Variants in XPNPEP3 observed in about 807,000 individuals in gnomAD.
The protein encoded by XPNPEP3 is X-prolyl aminopeptidase 3.
Under a neutral mutation model 60.0 loss-of-function variants are expected in XPNPEP3, and 41 were observed. The ratio of observed to expected loss-of-function variants is 0.68; its 90% CI spans 0.53 to 0.89. XPNPEP3 has a LOEUF of 0.89. XPNPEP3 is among the 40% of genes least tolerant of loss of function. The pLI is 0.00. For missense variants in XPNPEP3, 598 were observed against 638.9 expected, an observed-to-expected ratio of 0.94 and a Z score of 0.69; for synonymous variants, 212 against 223.2, an observed-to-expected ratio of 0.95 and a Z score of 0.45.
At chr22:40,926,165 A>G in intron 9 of XPNPEP3, 104 bp from the exon 10 acceptor site, 1 of 1,175,036 alleles carries the variant, frequency 8.5e-7, no homozygotes, top group Non-Finnish European at 1.3e-6. Flanking sequence ...ATAAAGATCC[A>G]GTATTACAGA....
At chr22:40,901,788 A>G (rs1439790750) in intron 4 of XPNPEP3, among the ~76,000 whole-genome samples, 1 of 152,172 alleles carries the variant, frequency 6.6e-6, no homozygotes, top group Non-Finnish European at 1.5e-5. Context: ...TATATGAAAT[A>G]TGCGGAATAG....
Position 40,928,065 on chromosome 22 carries a change from CCT to C in XPNPEP3, c.*1631_*1632del, listed in dbSNP as rs1301401038. ...AGCGCCCAGTTTTCAGAGAAGTACC[CCT>C]GTTATCATTCTGTGATTTCCTCTAG... is the stretch of plus-strand genomic sequence containing the variant. On this transcript the variant is annotated 3_prime_UTR_variant, in exon 10 of 10. Coordinates refer to ENST00000357137, the MANE Select transcript of XPNPEP3 (RefSeq NM_022098.4). 6.6e-6 allele frequency: 1 copy of C among 151,988 alleles called. No homozygotes were observed. Among genetic ancestry groups the C allele is most frequent in the Non-Finnish European group, 1.5e-5 (1 of 68,002 alleles). 9.4% of individuals were successfully genotyped at this position (151,988 alleles called of 1,614,324 possible). A position where few individuals can be genotyped will look rare whatever the true frequency, so the allele number is the denominator to read the frequency against.
At chr22:40,903,715 C>T (rs570936899) in intron 4 of XPNPEP3, among the ~76,000 whole-genome samples, 17 of 152,126 alleles carry the variant, frequency 1.1e-4, no homozygotes, top group African/African-American at 4.1e-4. Context: ...GTCTTGAACT[C>T]CTCACCTCGT....
intron 4 of XPNPEP3, among the ~76,000 whole-genome samples, chr22:40,892,098 A>G (rs1044274875): frequency 2.0e-5 from 3 of 152,220 alleles, no homozygotes; most frequent in African/African-American, 7.2e-5. Flanking sequence ...AGCACTGTCT[A>G]TCATTTCAAA....
chr22:40,911,203 T>G (rs1245876484), intron 6 of XPNPEP3, among the ~76,000 whole-genome samples: 2 of 152,086 alleles, frequency 1.3e-5, no homozygotes, highest in African/African-American at 4.8e-5. Context: ...TTTTATTACC[T>G]TAATTACCAA....
intron 4 of XPNPEP3, among the ~76,000 whole-genome samples, chr22:40,904,381 A>G (rs559664403): frequency 1.3e-5 from 2 of 152,288 alleles, no homozygotes; most frequent in South Asian, 2.1e-4. Flanking sequence ...AGTTTGAAAG[A>G]GTCATGACTG....
intron 7 of XPNPEP3, 149 bp from the exon 8 acceptor site, chr22:40,922,184 C>T (rs1292047318): frequency 1.2e-6 from 1 of 858,426 alleles, no homozygotes; most frequent in East Asian, 2.6e-5. Flanking sequence ...GATTGAGCTC[C>T]TGGCCATATT....
At chr22:40,923,073 T>G (rs1229081679) in intron 8 of XPNPEP3, among the ~76,000 whole-genome samples, 4 of 151,966 alleles carry the variant, frequency 2.6e-5, no homozygotes, top group Admixed American at 6.6e-5. Context: ...GTTAGCCAGG[T>G]GTGGTGGCAC....
At position 40,928,652 on chromosome 22, in the gene XPNPEP3, T is replaced by G. The variant is rs2058244136; in HGVS notation, c.*2217T>G. The G allele has an allele frequency of 6.6e-6, 1 of 152,186 alleles. No homozygotes were observed. The highest frequency in any genetic ancestry group is 6.6e-5 in the Admixed American group (1 of 15,264). The allele number at this position is 152,186 out of a possible 1,614,324, so 9.4% of individuals were successfully genotyped here. On this transcript the variant is annotated 3_prime_UTR_variant, in exon 10 of 10. Coordinates refer to ENST00000357137, the MANE Select transcript of XPNPEP3 (RefSeq NM_022098.4). ...AGCTTTAAGAACCAGTGTGTTCACC[T>G]CCTTTAAACCTGGATATGAGGTCAA...
chr22:40,898,577 A>C (rs2058119237), intron 4 of XPNPEP3, among the ~76,000 whole-genome samples: 1 of 152,056 alleles, frequency 6.6e-6, no homozygotes, highest in Admixed American at 6.6e-5. Flanking sequence ...TAATATTTAT[A>C]TATGGTATAA....
In XPNPEP3 at chr22:40,932,172, C is replaced by A. The variant is rs1331773252; in HGVS notation, c.*5737C>A. ...GTAACAGTGTTTCCAATAACTTCTGCCAATAAAACAGAATTTGAGTTAGAA... is the reference window on the plus strand; with the variant it reads ...GTAACAGTGTTTCCAATAACTTCTGACAATAAAACAGAATTTGAGTTAGAA... On this transcript the variant is annotated 3_prime_UTR_variant, in exon 10 of 10. Coordinates refer to ENST00000357137, the MANE Select transcript of XPNPEP3 (RefSeq NM_022098.4). 2 of 152,088 alleles carry A rather than the reference C, an allele frequency of 1.3e-5. No individual in the cohort carries two copies. The highest frequency in any genetic ancestry group is 2.9e-5 in the Non-Finnish European group (2 of 68,020). 9.4% of individuals were successfully genotyped at this position (152,088 alleles called of 1,614,324 possible).
At chr22:40,865,727 A>G (rs559369389) in intron 1 of XPNPEP3, among the ~76,000 whole-genome samples, 1 of 150,528 alleles carries the variant, frequency 6.6e-6, no homozygotes, top group Non-Finnish European at 1.5e-5. Context: ...GACAGGGTTT[A>G]GCCATGTTGG....
At chr22:40,896,131 T>G (rs1280911277) in intron 4 of XPNPEP3, among the ~76,000 whole-genome samples, 5 of 152,200 alleles carry the variant, frequency 3.3e-5, no homozygotes, top group Non-Finnish European at 7.3e-5. Context: ...TCTGAGGAGT[T>G]TAATGACAGG....
intron 1 of XPNPEP3, among the ~76,000 whole-genome samples, chr22:40,866,838 TA>T (rs2145773008): frequency 6.6e-6 from 1 of 152,358 alleles, no homozygotes; most frequent in African/African-American, 2.4e-5. Flanking sequence ...TTGAATTTAA[TA>T]AAGTTAAGCT....
At chr22:40,870,602 T>A (rs904750969) in intron 2 of XPNPEP3, among the ~76,000 whole-genome samples, 1 of 152,214 alleles carries the variant, frequency 6.6e-6, no homozygotes, top group African/African-American at 2.4e-5. Context: ...TACCATTAGG[T>A]ACAGATTTTT....
At position 40,931,428 on chromosome 22, in the gene XPNPEP3, G is replaced by GT. The variant is rs1218163164; in HGVS notation, c.*4994dup. On this transcript the variant is annotated 3_prime_UTR_variant, in exon 10 of 10. Coordinates refer to ENST00000357137, the MANE Select transcript of XPNPEP3 (RefSeq NM_022098.4). ...GAAACACAACAGTATAAATACTATA[G>GT]TAAAGTTGGGTGCAGTGGATCACAG... 2.0e-5 allele frequency: 3 copies of GT among 152,154 alleles called. No homozygotes were observed. Among genetic ancestry groups the GT allele is most frequent in the Non-Finnish European group, 2.9e-5 (2 of 68,026 alleles). The allele number at this position is 152,154 out of a possible 1,614,324, so 9.4% of individuals were successfully genotyped here. A position where few individuals can be genotyped will look rare whatever the true frequency, so the allele number is the denominator to read the frequency against.
intron 6 of XPNPEP3, among the ~76,000 whole-genome samples, chr22:40,910,664 C>A (rs1270388141): frequency 2.6e-5 from 4 of 151,888 alleles, no homozygotes; most frequent in Non-Finnish European, 5.9e-5. Context: ...TGTGATCACA[C>A]CACTGCATTG....
At position 40,881,787 on chromosome 22, in the gene XPNPEP3, C is replaced by G; in HGVS notation, c.199C>G (p.Leu67Val). ...LLRPGEVTPG[L>V]SQVEYALRRH... ...ATTTCTAGGGGAGGTAACTCCAGGA[C>G]TATCTCAGGTGGAATATGCACTTCG... The change falls in exon 3 of 10, where the codon CTA becomes GTA. Residue 67 changes from leucine (L) to valine (V), a missense_variant. Physicochemically the swap from Leu to Val is conservative, Grantham distance 32. Coordinates refer to ENST00000357137, the MANE Select transcript of XPNPEP3 (RefSeq NM_022098.4). 1 of 1,614,112 alleles carries G rather than the reference C, an allele frequency of 6.2e-7. No individual in the cohort carries two copies. The highest frequency in any genetic ancestry group is 8.5e-7 in the Non-Finnish European group (1 of 1,179,982).
At chr22:40,862,029 T>C in intron 1 of XPNPEP3, 1 of 1,547,312 alleles carries the variant, frequency 6.5e-7, no homozygotes, top group Non-Finnish European at 8.7e-7. Flanking sequence ...GTGTGCTGGG[T>C]ATTGAGAACC....
Sources: gnomAD v4.1 joint callset for allele counts (sites outside exome capture counted in the v4.1 genomes callset) on GRCh38, gnomAD v4.1.1 for gene constraint, MANE v1.5 for transcripts, NCBI Gene and HGNC (gene_info 2026-07-23, HGNC 2026-07-21) for gene names.